CACNA1I: variants seen among roughly 807,000 people sequenced by gnomAD.
CACNA1I encodes calcium voltage-gated channel subunit alpha1 I.
CACNA1I carries 74 observed loss-of-function variants against 201.6 expected under a neutral mutation model. The observed-to-expected ratio is 0.37, with a 90% CI of 0.30 to 0.45. The LOEUF is 0.45. Among genes scored for constraint, CACNA1I ranks in the 20% least tolerant of loss-of-function variants. CACNA1I has a pLI of 1.00. For missense variants in CACNA1I, 2,346 were observed against 3,138.1 expected (o/e 0.75, Z 6.03); for synonymous variants, 1,431 against 1,345.2 (o/e 1.06, Z -1.40).
chr22:39,639,535 C>T (rs947790685), intron 5 of CACNA1I, among the ~76,000 whole-genome samples: 1 of 152,100 alleles, frequency 6.6e-6, no homozygotes, highest in African/African-American at 2.4e-5. Flanking sequence ...ATATATCTTA[C>T]TTAATCTAAT....
intron 29 of CACNA1I, among the ~76,000 whole-genome samples, chr22:39,674,314 A>G (rs1447593668): frequency 6.6e-6 from 1 of 152,096 alleles, no homozygotes; most frequent in Non-Finnish European, 1.5e-5. Flanking sequence ...AGGCTGGTGG[A>G]GGGAGATGGA....
At chr22:39,657,739 G>C (rs188720190) in intron 10 of CACNA1I, among the ~76,000 whole-genome samples, 204 of 152,352 alleles carry the variant, frequency 1.3e-3, no homozygotes, top group African/African-American at 4.7e-3. Context: ...CACGTGGTAA[G>C]TGCTCACTAA....
chr22:39,665,067 G>T lies in CACNA1I; in HGVS notation c.3851+144G>T. On this transcript the variant is annotated intron_variant, in intron 21 of 36. Transcript: ENST00000402142. This position sits in a 1 kb window ranked among gnomAD's most constrained non-coding sequence, Gnocchi z 5.5. ...GTGCCAAACACCCTGAGCTGTTCCC[G>T]GGGGAGGGGTCTGCAGACCCTGGGG... 1.3e-6 allele frequency: 1 copy of T among 772,434 alleles called. No individual in the cohort carries two copies. The highest frequency in any genetic ancestry group is 2.1e-6 in the Non-Finnish European group (1 of 486,852). The allele number at this position is 772,434 out of a possible 1,614,324, so 47.8% of individuals were successfully genotyped here. A position where few individuals can be genotyped will look rare whatever the true frequency, so the allele number is the denominator to read the frequency against.
Position 39,600,531 on chromosome 22 carries a change from C to T in CACNA1I, c.360C>T (p.Asp120=), listed in dbSNP as rs1402607445. 1.9e-6 allele frequency: 3 copies of T among 1,611,590 alleles called. No homozygotes were observed. Among genetic ancestry groups the T allele is most frequent in the Non-Finnish European group, 2.5e-6 (3 of 1,178,922 alleles). Reference sequence around the variant, plus strand: ...TCCTGCCCCTGCAGGTCTTTGATGACTTCATCTTTATCTTCTTTGCCATGG... The same window carrying T: ...TCCTGCCCCTGCAGGTCTTTGATGATTTCATCTTTATCTTCTTTGCCATGG... ...DRCKILQVFD[D]FIFIFFAMEM... The change falls in exon 3 of 37, where the codon GAC becomes GAT. Residue 120 remains aspartate (D), a synonymous_variant. Transcript: ENST00000402142.
rs1358657495 is a variant in CACNA1I, at chr22:39,665,487, C to A, written c.3852-11C>A. ...AGGGATTATGTGTGCCTGGCCTCTC[C>A]CTGCCGTCAGTGTCATCAGCCGGGC... On this transcript the variant is annotated splice_polypyrimidine_tract_variant and intron_variant, in intron 21 of 36. Coordinates refer to ENST00000402142, the MANE Select transcript of CACNA1I (RefSeq NM_021096.4). This position sits in a 1 kb window ranked among gnomAD's most constrained non-coding sequence, Gnocchi z 5.5. The A allele has an allele frequency of 6.2e-7, 1 of 1,613,412 alleles. No homozygotes were observed. Among genetic ancestry groups the A allele is most frequent in the South Asian group, 1.1e-5 (1 of 91,068 alleles).
At chr22:39,663,560 C>A (rs990816824) in intron 18 of CACNA1I, among the ~76,000 whole-genome samples, 158 bp from the exon 19 acceptor site, 4 of 152,070 alleles carry the variant, frequency 2.6e-5, no homozygotes, top group African/African-American at 9.7e-5. Flanking sequence ...AGGTGGGCAC[C>A]CTGAGCAGGT....
chr22:39,659,979 G>C lies in CACNA1I; in HGVS notation c.2604+127G>C. ...AGCAGGCAACCTATCCCTAAAGGAGGGGGTTGCTGATGAGGTGGTGAGCTC... is the reference window on the plus strand; with the variant it reads ...AGCAGGCAACCTATCCCTAAAGGAGCGGGTTGCTGATGAGGTGGTGAGCTC... On this transcript the variant is annotated intron_variant, in intron 14 of 36. Coordinates refer to ENST00000402142, the MANE Select transcript of CACNA1I (RefSeq NM_021096.4). This position sits in a 1 kb window ranked among gnomAD's most constrained non-coding sequence, Gnocchi z 4.3. 1 of 1,051,412 alleles carries C rather than the reference G, an allele frequency of 9.5e-7. No individual in the cohort carries two copies. Among genetic ancestry groups the C allele is most frequent in the Admixed American group, 2.1e-5 (1 of 47,226 alleles). The allele number at this position is 1,051,412 out of a possible 1,614,324, so 65.1% of individuals were successfully genotyped here.
chr22:39,685,316 G>T lies in CACNA1I; in HGVS notation c.6028-445G>T, dbSNP rs929334973. Reference sequence around the variant, plus strand: ...CGGGGTTGGGAGGTGGGGGGCTCTGGGGCTGGGAGGTGGGGGGCCCACGGG... The same window carrying T: ...CGGGGTTGGGAGGTGGGGGGCTCTGTGGCTGGGAGGTGGGGGGCCCACGGG... On this transcript the variant is annotated intron_variant, in intron 36 of 36. Coordinates refer to ENST00000402142, the MANE Select transcript of CACNA1I (RefSeq NM_021096.4). The surrounding 1 kb of genome is among the most constrained non-coding windows in gnomAD (Gnocchi z 5.0). The T allele has an allele frequency of 1.3e-5, 2 of 158,042 alleles. No individual in the cohort carries two copies. The highest frequency in any genetic ancestry group is 4.9e-5 in the African/African-American group (2 of 41,188). 9.8% of individuals were successfully genotyped at this position (158,042 alleles called of 1,614,324 possible). A position where few individuals can be genotyped will look rare whatever the true frequency, so the allele number is the denominator to read the frequency against.
intron 4 of CACNA1I, 38 bp downstream of exon 4, chr22:39,619,445 A>G (rs777376810): frequency 6.6e-7 from 1 of 1,523,236 alleles, no homozygotes; most frequent in South Asian, 1.1e-5. Context: ...TTCCTGGCTG[A>G]TCCATCCCTG....
intron 1 of CACNA1I, among the ~76,000 whole-genome samples, chr22:39,581,471 T>C (rs1932545697): frequency 6.6e-6 from 1 of 152,150 alleles, no homozygotes; most frequent in African/African-American, 2.4e-5. Context: ...TCCCAGCAGC[T>C]GAGCCGGCCC....
chr22:39,660,262 C>A, intron 14 of CACNA1I, 82 bp from the exon 15 acceptor site: 1 of 1,031,582 alleles, frequency 9.7e-7, no homozygotes, highest in Non-Finnish European at 1.4e-6. Flanking sequence ...GCGGTGGAAA[C>A]ACCCATAGAA....
At chr22:39,624,108 C>G (rs1601471165) in intron 4 of CACNA1I, among the ~76,000 whole-genome samples, 1 of 142,488 alleles carries the variant, frequency 7.0e-6, no homozygotes, top group South Asian at 2.3e-4. Context: ...GTGTGTATGT[C>G]TCTGTGAGGG....
At position 39,678,125 on chromosome 22, in the gene CACNA1I, T is replaced by G; in HGVS notation, c.5055+17T>G. On this transcript the variant is annotated intron_variant, in intron 31 of 36. Transcript: ENST00000402142. ...ATCATGAAGGTACTCCTGGGCGGGCTGGGGTGGAGAAATCAGCCAGGTGCT... is the reference window on the plus strand; with the variant it reads ...ATCATGAAGGTACTCCTGGGCGGGCGGGGGTGGAGAAATCAGCCAGGTGCT... The G allele has an allele frequency of 6.2e-7, 1 of 1,607,956 alleles. No homozygotes were observed. The highest frequency in any genetic ancestry group is 8.5e-7 in the Non-Finnish European group (1 of 1,176,496).
intron 3 of CACNA1I, among the ~76,000 whole-genome samples, chr22:39,614,499 G>A (rs1933473886): frequency 6.6e-6 from 1 of 152,232 alleles, no homozygotes; most frequent in Non-Finnish European, 1.5e-5. Flanking sequence ...GGCCACCACA[G>A]AGCCAAGGTG....
In CACNA1I at chr22:39,685,668, T is replaced by G; in HGVS notation, c.6028-93T>G. ...CGAAGGGAGCTCCTTGGATGGGGTC[T>G]GCCTGCTGCCTGCTGTGCGGGGGAG... On this transcript the variant is annotated intron_variant, in intron 36 of 36. Transcript: ENST00000402142. The surrounding 1 kb of genome is among the most constrained non-coding windows in gnomAD (Gnocchi z 5.0). The G allele has an allele frequency of 9.2e-7, 1 of 1,082,782 alleles. No individual in the cohort carries two copies. The highest frequency in any genetic ancestry group is 1.2e-6 in the Non-Finnish European group (1 of 813,754). The allele number at this position is 1,082,782 out of a possible 1,614,324, so 67.1% of individuals were successfully genotyped here. A position where few individuals can be genotyped will look rare whatever the true frequency, so the allele number is the denominator to read the frequency against.
At chr22:39,598,741 C>A (rs1034543277) in intron 2 of CACNA1I, among the ~76,000 whole-genome samples, 7 of 152,060 alleles carry the variant, frequency 4.6e-5, no homozygotes, top group Non-Finnish European at 1.0e-4. Flanking sequence ...TAGGAGCGGG[C>A]CTCTGGTTTT....
In CACNA1I at chr22:39,687,985, CA is replaced by C. The variant is rs1323438860; in HGVS notation, c.*1581del. 2 of 151,224 alleles carry C rather than the reference CA, an allele frequency of 1.3e-5. No homozygotes were observed. Among genetic ancestry groups the C allele is most frequent in the African/African-American group, 2.5e-5 (1 of 40,484 alleles). 9.4% of individuals were successfully genotyped at this position (151,224 alleles called of 1,614,324 possible). A position where few individuals can be genotyped will look rare whatever the true frequency, so the allele number is the denominator to read the frequency against. On this transcript the variant is annotated 3_prime_UTR_variant, in exon 37 of 37. Coordinates refer to ENST00000402142, the MANE Select transcript of CACNA1I (RefSeq NM_021096.4). Reference sequence around the variant, plus strand: ...TTGCTAAGACCCCCTCCGAGGGCTTCAGGGGGGCCTGCCAAGGGGGGGCCTT... The same window carrying C: ...TTGCTAAGACCCCCTCCGAGGGCTTCGGGGGGCCTGCCAAGGGGGGGCCTT...
rs1935882709 is a variant in CACNA1I at position 39,686,449 on chromosome 22, CCTT to C, written c.*48_*50del. On this transcript the variant is annotated 3_prime_UTR_variant, in exon 37 of 37. Coordinates refer to ENST00000402142, the MANE Select transcript of CACNA1I (RefSeq NM_021096.4). ...GCCGCCCACCGCCCGCCCCGTCTCA[CCTT>C]CTTTACCTCAGGAGCCAGGAGCAGA... 2 of 1,175,518 alleles carry C rather than the reference CCTT, an allele frequency of 1.7e-6. No homozygotes were observed. Among genetic ancestry groups the C allele is most frequent in the Non-Finnish European group, 2.1e-6 (2 of 937,486 alleles). 72.8% of individuals were successfully genotyped at this position (1,175,518 alleles called of 1,614,324 possible).
Position 39,659,233 on chromosome 22 carries a change from G to C in CACNA1I, c.2330+117G>C. On this transcript the variant is annotated intron_variant, in intron 12 of 36. Transcript: ENST00000402142. The surrounding 1 kb of genome is among the most constrained non-coding windows in gnomAD (Gnocchi z 4.3). ...AAAGCCACCTGGACCTGGGTGTGAA[G>C]CCTGACACTGTTCCTCAGTCCCCTG... 7.9e-7 allele frequency: 1 copy of C among 1,270,334 alleles called. No individual in the cohort carries two copies. Among genetic ancestry groups the C allele is most frequent in the Non-Finnish European group, 1.1e-6 (1 of 909,830 alleles). 78.7% of individuals were successfully genotyped at this position (1,270,334 alleles called of 1,614,324 possible). A position where few individuals can be genotyped will look rare whatever the true frequency, so the allele number is the denominator to read the frequency against.
Sources: gnomAD v4.1 joint callset for allele counts (sites outside exome capture counted in the v4.1 genomes callset) on GRCh38, gnomAD v4.1.1 for gene constraint, Gnocchi (gnomAD v3.1) non-coding constraint, MANE v1.5 for transcripts, NCBI Gene and HGNC (gene_info 2026-07-23, HGNC 2026-07-21) for gene names.